The following SHANK2 variants were observed in gnomAD, a reference collection of about 807,000 sequenced individuals.
The protein encoded by SHANK2 is SH3 and multiple ankyrin repeat domains protein 2.
In SHANK2, 43 loss-of-function variants were observed where a neutral mutation model predicts 133.7. The observed-to-expected ratio is 0.32, with a 90% CI of 0.25 to 0.41. SHANK2 has a LOEUF of 0.41. Among genes scored for constraint, SHANK2 ranks in the 10% least tolerant of loss-of-function variants. The pLI, the probability that SHANK2 is intolerant of heterozygous loss-of-function variation, is 1.00. For missense variants in SHANK2, 1,994 were observed against 2,235.8 expected (o/e 0.89, Z 2.18); for synonymous variants, 1,017 against 952.8 (o/e 1.07, Z -1.24).
chr11:71,213,845 G>A (rs1388297225), intron 2 of SHANK2, among the ~76,000 whole-genome samples: 1 of 152,168 alleles, frequency 6.6e-6, no homozygotes, highest in Admixed American at 6.5e-5. Context: ...ATCTAGGGGA[G>A]CCTCGCAGAC....
chr11:71,073,056 T>C (rs1951162794), intron 9 of SHANK2, among the ~76,000 whole-genome samples: 1 of 151,956 alleles, frequency 6.6e-6, no homozygotes, highest in Non-Finnish European at 1.5e-5. Flanking sequence ...TTGTTATGTG[T>C]ATTTTACCAC....
Position 70,832,941 on chromosome 11 carries a change from G to A in SHANK2, c.1175-12259C>T, listed in dbSNP as rs1281577663. Reference sequence around the variant, plus strand: ...TCAGCATCCTCACTGCATCTGCAGAGTGGCTGAGCCAGTGTCCTCAGCATC... The same window carrying A: ...TCAGCATCCTCACTGCATCTGCAGAATGGCTGAGCCAGTGTCCTCAGCATC... On this transcript the variant is annotated intron_variant, in intron 11 of 25. Coordinates refer to ENST00000601538, the MANE Select transcript of SHANK2 (RefSeq NM_012309.5). Among the ~76,000 whole-genome samples, 5 of 152,180 alleles carry A rather than the reference G, an allele frequency of 3.3e-5. No individual in the cohort carries two copies. The East Asian group carries it at 9.6e-4, about 29-fold the overall frequency.
chr11:70,471,392 T>A lies in SHANK2; in HGVS notation c.*1477A>T. 2 of 398,902 alleles carry A rather than the reference T, an allele frequency of 5.0e-6. No homozygotes were observed. Among genetic ancestry groups the A allele is most frequent in the Non-Finnish European group, 8.8e-6 (2 of 226,048 alleles). The allele number at this position is 398,902 out of a possible 1,614,324, so 24.7% of individuals were successfully genotyped here. On this transcript the variant is annotated 3_prime_UTR_variant, in exon 26 of 26. Coordinates refer to ENST00000601538, the MANE Select transcript of SHANK2 (RefSeq NM_012309.5). The surrounding 1 kb of genome is among the most constrained non-coding windows in gnomAD (Gnocchi z 4.1). ...GGGGAGAATGTGCTGGAAGCCTGACTGTGTGTTTTGCGGCCCATGTGCATC... is the reference window on the plus strand; with the variant it reads ...GGGGAGAATGTGCTGGAAGCCTGACAGTGTGTTTTGCGGCCCATGTGCATC...
chr11:70,863,426 C>T (rs1291229627), intron 11 of SHANK2: 22 of 457,804 alleles, frequency 4.8e-5, no homozygotes, highest in Admixed American at 4.7e-4. Flanking sequence ...CTGCTCGGTG[C>T]CCTGGGACGC....
At chr11:71,167,689 C>T (rs1307314985) in intron 2 of SHANK2, among the ~76,000 whole-genome samples, 6 of 146,522 alleles carry the variant, frequency 4.1e-5, no homozygotes, top group Non-Finnish European at 6.1e-5. Flanking sequence ...CACCTCCCTC[C>T]TGGACGGAGC....
intron 6 of SHANK2, among the ~76,000 whole-genome samples, chr11:71,095,964 C>T (rs782695649): frequency 5.8e-5 from 8 of 137,230 alleles, no homozygotes; most frequent in Non-Finnish European, 1.3e-4. Flanking sequence ...ATCCTGTCTC[C>T]ATGTGAAAAG....
At chr11:70,604,240 C>CA (rs2060543395) in intron 17 of SHANK2, 1 of 152,296 alleles carries the variant, frequency 6.6e-6, no homozygotes, top group African/African-American at 2.4e-5. Flanking sequence ...CCATGGTGAG[C>CA]AAAACTGGGA....
At chr11:70,822,359 C>T (rs996386696) in intron 11 of SHANK2, among the ~76,000 whole-genome samples, 1 of 152,226 alleles carries the variant, frequency 6.6e-6, no homozygotes, top group Admixed American at 6.5e-5. Context: ...AGGAGAAGAA[C>T]GTCACAAGTA....
intron 17 of SHANK2, among the ~76,000 whole-genome samples, chr11:70,568,726 C>T (rs931520864): frequency 5.3e-5 from 8 of 150,578 alleles, no homozygotes; most frequent in African/African-American, 2.0e-4. Context: ...CGCCCCAGGC[C>T]AGGCATGGTC....
At chr11:71,144,445 G>A (rs1213345153) in intron 3 of SHANK2, among the ~76,000 whole-genome samples, 2 of 152,180 alleles carry the variant, frequency 1.3e-5, no homozygotes, top group Non-Finnish European at 2.9e-5. Flanking sequence ...GAGCTCCAGG[G>A]AATGGTCCAG....
At chr11:70,541,455 A>C (rs1250445282) in intron 17 of SHANK2, among the ~76,000 whole-genome samples, 1 of 152,204 alleles carries the variant, frequency 6.6e-6, no homozygotes, top group Admixed American at 6.5e-5. Flanking sequence ...TCACCTCTGC[A>C]GGTAGCAGGT....
chr11:70,616,130 G>A (rs1341491526), intron 17 of SHANK2, among the ~76,000 whole-genome samples: 2 of 152,170 alleles, frequency 1.3e-5, no homozygotes, highest in African/African-American at 4.8e-5. Flanking sequence ...CATCAGGATG[G>A]GGGGCACATG....
rs1555055556 is a variant in SHANK2 at position 70,820,440 on chromosome 11, T to C, written c.1417A>G (p.Ser473Gly). The change falls in exon 12 of 26, where the codon AGC (serine) becomes GGC (glycine). Residue 473 changes from serine (S) to glycine (G), a missense_variant. Physicochemically the swap from Ser to Gly is moderately conservative, Grantham distance 56 (BLOSUM62 0). Transcript: ENST00000601538. ...AGCCTGTTGAGCGATGGGGACCGGC[T>C]GCGGGGCCCGGGCACGTAGCTCCCA... ...TIGSYVPGPR[S>G]RSPSLNRLGG... 2 of 712,188 alleles carry C rather than the reference T, an allele frequency of 2.8e-6. No individual in the cohort carries two copies. The highest frequency in any genetic ancestry group is 5.4e-5 in the East Asian group (2 of 37,056). The allele number at this position is 712,188 out of a possible 1,614,324, so 44.1% of individuals were successfully genotyped here.
chr11:70,721,687 G>T (rs1378503091), intron 14 of SHANK2, among the ~76,000 whole-genome samples: 1 of 152,220 alleles, frequency 6.6e-6, no homozygotes, highest in Non-Finnish European at 1.5e-5. Flanking sequence ...CCACAGGCAG[G>T]GCTGGGATGT....
At chr11:70,944,858 C>A (rs1288020422) in intron 10 of SHANK2, among the ~76,000 whole-genome samples, 1 of 152,220 alleles carries the variant, frequency 6.6e-6, no homozygotes, top group East Asian at 1.9e-4. Context: ...GTGTTCATCT[C>A]CAACATTACT....
intron 15 of SHANK2, among the ~76,000 whole-genome samples, chr11:70,677,437 G>A (rs1286260583): frequency 1.3e-5 from 2 of 152,150 alleles, no homozygotes; most frequent in Non-Finnish European, 2.9e-5. Flanking sequence ...CTGAAAATTA[G>A]CCTCGCTCGA....
intron 17 of SHANK2, among the ~76,000 whole-genome samples, chr11:70,601,601 C>T (rs1388822701): frequency 1.3e-5 from 2 of 152,192 alleles, no homozygotes; most frequent in East Asian, 3.9e-4. Flanking sequence ...ATCCACCTGC[C>T]TTGGCCTCCC....
chr11:70,907,633 TATC>T (rs1950126343), intron 10 of SHANK2: 1 of 212,034 alleles, frequency 4.7e-6, no homozygotes, highest in African/African-American at 2.3e-5. Flanking sequence ...AAGGAGATGA[TATC>T]ATGGCTAGGT....
chr11:70,597,688 C>A (rs1434341688), intron 17 of SHANK2, among the ~76,000 whole-genome samples: 2 of 152,192 alleles, frequency 1.3e-5, no homozygotes, highest in African/African-American at 4.8e-5. Flanking sequence ...GTCTGGCCAA[C>A]ATGGCGAAAC....
Sources: allele counts gnomAD v4.1 joint callset (sites outside exome capture counted in the v4.1 genomes callset), GRCh38; gene constraint gnomAD v4.1.1; non-coding constraint Gnocchi (gnomAD v3.1); transcripts MANE v1.5; gene names NCBI Gene and HGNC (gene_info 2026-07-23, HGNC 2026-07-21).